Variants in PDE6H observed in about 807,000 individuals in gnomAD.
The protein encoded by PDE6H is phosphodiesterase 6H, also known as retinal cone rhodopsin-sensitive cGMP 3',5'-cyclic phosphodiesterase subunit gamma.
A neutral mutation model predicts 9.2 loss-of-function variants in PDE6H; 11 were observed. The ratio of observed to expected loss-of-function variants is 1.19; its 90% CI spans 0.75 to 1.97. The LOEUF (loss-of-function observed/expected upper bound fraction) is 1.97. Ranked by LOEUF, PDE6H falls within the 30% of genes most tolerant of loss-of-function variation. The probability of loss-of-function intolerance (pLI) is 0.00; values close to 1 mark genes in which losing one functional copy is unlikely to be tolerated. For synonymous variants in PDE6H, 36 were observed against 33.6 expected, an observed-to-expected ratio of 1.07 and a Z score of -0.25; for missense variants, 98 against 101.5, an observed-to-expected ratio of 0.97 and a Z score of 0.15.
At chr12:14,978,266 C>T (rs1256152832) in intron 2 of PDE6H, 120 bp downstream of exon 2, 3 of 792,762 alleles carry the variant, frequency 3.8e-6, no homozygotes, top group Non-Finnish European at 6.4e-6. Context: ...CCACTCCATC[C>T]TCTCTTTTCC....
chr12:14,976,991 T>C (rs144920519), intron 1 of PDE6H, among the ~76,000 whole-genome samples: 2,022 of 152,372 alleles, frequency 0.013, 29 homozygotes, highest in Admixed American at 0.03. Context: ...AGAATGGCAA[T>C]GTGCATTTCT....
chr12:14,979,524 T>A (rs1864650561), intron 3 of PDE6H, among the ~76,000 whole-genome samples: 1 of 152,136 alleles, frequency 6.6e-6, no homozygotes. Flanking sequence ...TCATAATTCA[T>A]CTCCCCAAAC....
chr12:14,981,256 A>G, intron 3 of PDE6H, 144 bp from the exon 4 acceptor site: 1 of 753,936 alleles, frequency 1.3e-6, no homozygotes, highest in East Asian at 2.4e-5. Flanking sequence ...TTCCTGGGCC[A>G]CAGGGCCACG....
chr12:14,979,912 T>C (rs1447896902), intron 3 of PDE6H, among the ~76,000 whole-genome samples: 1 of 152,222 alleles, frequency 6.6e-6, no homozygotes, highest in Admixed American at 6.5e-5. Context: ...TTACACAGTT[T>C]CCTCTATTAT....
Position 14,981,496 on chromosome 12 carries a change from C to T in PDE6H, c.*20C>T. On this transcript the variant is annotated 3_prime_UTR_variant, in exon 4 of 4. Transcript: ENST00000266395. ...ATCTGAAGTGCCAGAGGTTCTGCCA[C>T]TCTCAATGACATCTGCTGTAATTTT... 1.5e-5 allele frequency: 24 copies of T among 1,567,324 alleles called. No homozygotes were observed. The highest frequency in any genetic ancestry group is 2.0e-5 in the Non-Finnish European group (23 of 1,137,212).
intron 1 of PDE6H, among the ~76,000 whole-genome samples, chr12:14,974,528 C>A (rs1864564256): frequency 6.6e-6 from 1 of 152,202 alleles, no homozygotes; most frequent in South Asian, 2.1e-4. Flanking sequence ...GACATGAACA[C>A]TTTCTAAGCC....
intron 1 of PDE6H, among the ~76,000 whole-genome samples, chr12:14,976,447 A>T (rs1455016133): frequency 2.0e-5 from 3 of 152,192 alleles, no homozygotes; most frequent in Non-Finnish European, 4.4e-5. Flanking sequence ...ATAGAATATG[A>T]GGTTTCAGGA....
At chr12:14,980,509 A>G (rs1864666034) in intron 3 of PDE6H, among the ~76,000 whole-genome samples, 1 of 152,232 alleles carries the variant, frequency 6.6e-6, no homozygotes. Flanking sequence ...CACTTGTAGT[A>G]ATCAGTGTCC....
chr12:14,976,698 T>TA (rs1003292453), intron 1 of PDE6H, among the ~76,000 whole-genome samples: 27 of 150,990 alleles, frequency 1.8e-4, no homozygotes, highest in Admixed American at 2.6e-4. Flanking sequence ...TTGTCTCTCT[T>TA]AAAAAAAAAG....
At chr12:14,975,329 T>A (rs557750549) in intron 1 of PDE6H, among the ~76,000 whole-genome samples, 45 of 151,798 alleles carry the variant, frequency 3.0e-4, no homozygotes, top group African/African-American at 1.1e-3. Flanking sequence ...CTAAAAAAAA[T>A]TATTTCTTTG....
chr12:14,974,265 T>A (rs1864560672), intron 1 of PDE6H, among the ~76,000 whole-genome samples: 1 of 152,256 alleles, frequency 6.6e-6, no homozygotes, highest in Admixed American at 6.5e-5. Context: ...AGCATGAGGT[T>A]AGCCTTTGGT....
chr12:14,981,345 AAGAAGCTCTCTTGGGGTG>A, intron 3 of PDE6H, 37 bp from the exon 4 acceptor site: 3 of 1,072,658 alleles, frequency 2.8e-6, no homozygotes, highest in Non-Finnish European at 4.4e-6. Context: ...TCTTTCTGTG[AAGAAGCTCTCTTGGGGTG>A]AGGTTGGCTT....
intron 1 of PDE6H, among the ~76,000 whole-genome samples, chr12:14,977,199 T>C (rs1433978484): frequency 6.6e-6 from 1 of 152,232 alleles, no homozygotes; most frequent in South Asian, 2.1e-4. Context: ...AATATATTCA[T>C]GGGTGTTGGT....
chr12:14,976,161 A>G (rs1006945639), intron 1 of PDE6H, among the ~76,000 whole-genome samples: 1 of 152,152 alleles, frequency 6.6e-6, no homozygotes, highest in Non-Finnish European at 1.5e-5. Context: ...TTTGACAAAT[A>G]TAATATATAT....
chr12:14,981,125 C>T (rs1414248657), intron 3 of PDE6H, among the ~76,000 whole-genome samples: 1 of 152,218 alleles, frequency 6.6e-6, no homozygotes, highest in Non-Finnish European at 1.5e-5. Context: ...TCTGTGTAAT[C>T]AGTGGGCTGT....
chr12:14,977,604 G>A (rs1864615197), intron 1 of PDE6H, among the ~76,000 whole-genome samples: 1 of 152,140 alleles, frequency 6.6e-6, no homozygotes, highest in South Asian at 2.1e-4. Flanking sequence ...TATACCTAAT[G>A]TGAAGCTTTA....
At chr12:14,978,177 ATTACTTTCTT>A in intron 2 of PDE6H, 31 bp downstream of exon 2, 1 of 1,602,186 alleles carries the variant, frequency 6.2e-7, no homozygotes, top group Non-Finnish European at 8.5e-7. Context: ...AAAACTTTCT[ATTACTTTCTT>A]TTTCCCACAA....
chr12:14,981,349 A>T (rs760449167), intron 3 of PDE6H, 51 bp from the exon 4 acceptor site: 1 of 1,096,114 alleles, frequency 9.1e-7, no homozygotes, highest in Admixed American at 1.7e-5. Flanking sequence ...TCTGTGAAGA[A>T]GCTCTCTTGG....
chr12:14,975,009 A>G lies in PDE6H; in HGVS notation c.-42+1923A>G, dbSNP rs540860502. 1.2e-4 allele frequency among the ~76,000 whole-genome samples: 19 copies of G among 152,310 alleles called. No individual in the cohort carries two copies. The South Asian group carries it at 2.3e-3, about 18-fold the overall frequency. ...AGGTCTTGTTTGATTCATTTTATAG[A>G]TGGAATAAGACCCACAGAGGATTAT... On this transcript the variant is annotated intron_variant, in intron 1 of 3. Transcript: ENST00000266395.
Sources: gnomAD v4.1 joint callset for allele counts (sites outside exome capture counted in the v4.1 genomes callset) on GRCh38, gnomAD v4.1.1 for gene constraint, MANE v1.5 for transcripts, NCBI Gene and HGNC (gene_info 2026-07-23, HGNC 2026-07-21) for gene names.